The following PRKN variants were observed in gnomAD, a reference collection of about 807,000 sequenced individuals.
The protein encoded by PRKN is E3 ubiquitin-protein ligase parkin.
Under a neutral mutation model 59.5 loss-of-function variants are expected in PRKN, and 56 were observed. That is an observed-to-expected ratio of 0.94 (90% CI 0.76 to 1.18). The LOEUF (loss-of-function observed/expected upper bound fraction) is 1.18. Ranked by LOEUF, PRKN falls within the 50% of genes most tolerant of loss-of-function variation. The pLI is 0.00. For missense variants in PRKN, 657 were observed against 596.4 expected (o/e 1.10, Z -1.06); for synonymous variants, 250 against 222.1 (o/e 1.13, Z -1.12).
chr6:162,600,349 C>T (rs1005570202), intron 1 of PRKN, among the ~76,000 whole-genome samples: 1 of 152,120 alleles, frequency 6.6e-6, no homozygotes, highest in African/African-American at 2.4e-5. Flanking sequence ...TTTGATTGTG[C>T]CACAAATTGT....
chr6:161,806,081 G>A (rs1049498532), intron 6 of PRKN, among the ~76,000 whole-genome samples: 5 of 152,196 alleles, frequency 3.3e-5, no homozygotes, highest in East Asian at 1.9e-4. Context: ...AAATTCCATC[G>A]TAAATATTGG....
At chr6:162,220,375 A>T (rs1777874007) in intron 3 of PRKN, among the ~76,000 whole-genome samples, 2 of 152,200 alleles carry the variant, frequency 1.3e-5, no homozygotes, top group Admixed American at 1.3e-4. Context: ...GCATAGCAAA[A>T]GAAACAAACA....
rs565769791 is a variant in PRKN, at chr6:161,583,710, C to T, written c.872-14294G>A. On this transcript the variant is annotated intron_variant, in intron 7 of 11. Transcript: ENST00000366898. Reference sequence around the variant, plus strand: ...ACATAGGATATTAAGGATGTTGCATCATACTATGCATGACATTCTGTAACT... The same window carrying T: ...ACATAGGATATTAAGGATGTTGCATTATACTATGCATGACATTCTGTAACT... Among the ~76,000 whole-genome samples the T allele has an allele frequency of 1.5e-3, 231 of 152,142 alleles. 2 individuals carry two copies. The highest frequency in any genetic ancestry group is 2.0e-3 in the Non-Finnish European group (138 of 68,028).
chr6:161,814,194 T>C (rs1791672370), intron 6 of PRKN, among the ~76,000 whole-genome samples: 2 of 152,312 alleles, frequency 1.3e-5, no homozygotes, highest in Middle Eastern at 3.4e-3. Context: ...TCAAGCATTG[T>C]GCTGTGAGTG....
chr6:161,957,692 G>A (rs1464464366), intron 6 of PRKN, among the ~76,000 whole-genome samples: 1 of 152,078 alleles, frequency 6.6e-6, no homozygotes, highest in Non-Finnish European at 1.5e-5. Context: ...CAAAATGCTG[G>A]GATTACAGGC....
Position 161,560,979 on chromosome 6 carries a change from G to A in PRKN, c.933+8376C>T, listed in dbSNP as rs1410614152. Among the ~76,000 whole-genome samples the A allele has an allele frequency of 7.2e-5, 11 of 152,242 alleles. No individual in the cohort carries two copies. In the East Asian group the frequency reaches 1.4e-3, roughly 19 times the overall value. Reference sequence around the variant, plus strand: ...AACATCACCTCCACCTTCCCTGGGCGTGTAGCCCTGCAGCTGGACACAATG... The same window carrying A: ...AACATCACCTCCACCTTCCCTGGGCATGTAGCCCTGCAGCTGGACACAATG... On this transcript the variant is annotated intron_variant, in intron 8 of 11. Transcript: ENST00000366898. This position sits in a 1 kb window ranked among gnomAD's most constrained non-coding sequence, Gnocchi z 4.9.
chr6:162,533,321 C>T lies in PRKN; in HGVS notation c.8-89848G>A, dbSNP rs374931822. ...GGTGGGTCAGTTGAGGTCAGGAGTT[C>T]GAGACCAGCATGGCTGACATAGTGA... On this transcript the variant is annotated intron_variant, in intron 1 of 11. Transcript: ENST00000366898. Among the ~76,000 whole-genome samples the T allele has an allele frequency of 1.4e-4, 21 of 152,106 alleles. No homozygotes were observed. In the East Asian group the frequency reaches 3.5e-3, roughly 25 times the overall value.
intron 2 of PRKN, among the ~76,000 whole-genome samples, chr6:162,317,076 T>C (rs1782782353): frequency 6.6e-6 from 1 of 151,692 alleles, no homozygotes; most frequent in African/African-American, 2.4e-5. Flanking sequence ...ATTCTCTAAA[T>C]TTATGTCATT....
chr6:162,262,598 TG>T lies in PRKN; in HGVS notation c.338del (p.Pro113GlnfsTer64). 1 of 1,613,182 alleles carries T rather than the reference TG, an allele frequency of 6.2e-7. No individual in the cohort carries two copies. Among genetic ancestry groups the T allele is most frequent in the Non-Finnish European group, 8.5e-7 (1 of 1,179,210 alleles). On this transcript the variant is annotated frameshift_variant, in exon 3 of 12. Coordinates refer to ENST00000366898, the MANE Select transcript of PRKN (RefSeq NM_004562.3). LOFTEE classifies it high-confidence loss of function. ...TGACAGCCAGCCCCACAGAGTCTCC[TG>T]GGAGGACTGAGCTGCTGAGGTCCAC... ...TRVDLSSSVL[P>X]GDSVGLAVIL...
intron 7 of PRKN, among the ~76,000 whole-genome samples, chr6:161,692,506 G>T (rs1785838272): frequency 6.6e-6 from 1 of 152,168 alleles, no homozygotes; most frequent in South Asian, 2.1e-4. Context: ...TTGCCATTCT[G>T]CTCTTCGTGG....
chr6:162,293,535 C>T (rs1478943323), intron 2 of PRKN, among the ~76,000 whole-genome samples: 2 of 152,156 alleles, frequency 1.3e-5, no homozygotes, highest in Non-Finnish European at 1.5e-5. Flanking sequence ...GGGAGATCAC[C>T]GCCCTGGAGA....
At position 161,978,569 on chromosome 6, in the gene PRKN, T is replaced by G. The variant is rs904512008; in HGVS notation, c.619-5152A>C. Among the ~76,000 whole-genome samples the G allele has an allele frequency of 4.6e-5, 7 of 152,366 alleles. No individual in the cohort carries two copies. The East Asian group carries it at 1.3e-3, about 29-fold the overall frequency. ...GCATGATTCTTTGGGATTAACTGCC[T>G]CTGAATTCTGTTTTGTTTCTCTTAA... On this transcript the variant is annotated intron_variant, in intron 5 of 11. Transcript: ENST00000366898.
chr6:162,464,542 G>A (rs575924000), intron 1 of PRKN, among the ~76,000 whole-genome samples: 78 of 151,808 alleles, frequency 5.1e-4, no homozygotes, highest in Non-Finnish European at 8.2e-4. Flanking sequence ...ATGGCCGGGC[G>A]CAGTGGCTCA....
chr6:162,280,727 G>A (rs1054098232), intron 2 of PRKN, among the ~76,000 whole-genome samples: 4 of 140,536 alleles, frequency 2.8e-5, no homozygotes, highest in Non-Finnish European at 4.5e-5. Context: ...GACCTGGAAG[G>A]TAGAGGTTAC....
chr6:161,940,824 T>C (rs1401590069), intron 6 of PRKN, among the ~76,000 whole-genome samples: 1 of 152,184 alleles, frequency 6.6e-6, no homozygotes, highest in Non-Finnish European at 1.5e-5. Flanking sequence ...GACCACCCAT[T>C]TCCAGTCTCT....
intron 6 of PRKN, among the ~76,000 whole-genome samples, chr6:161,930,490 A>T (rs1345224019): frequency 6.6e-6 from 1 of 152,196 alleles, no homozygotes; most frequent in East Asian, 1.9e-4. Context: ...AACAGTTCTC[A>T]GTAGAATATA....
intron 1 of PRKN, among the ~76,000 whole-genome samples, chr6:162,449,323 A>G (rs185810420): frequency 1.3e-5 from 2 of 152,306 alleles, no homozygotes; most frequent in Admixed American, 1.3e-4. Context: ...TGATCCATCA[A>G]TAAATTTTGT....
At chr6:162,527,018 T>C (rs561643684) in intron 1 of PRKN, among the ~76,000 whole-genome samples, 1 of 151,800 alleles carries the variant, frequency 6.6e-6, no homozygotes. Flanking sequence ...GAAAACAAGA[T>C]AAAAAAATAA....
intron 1 of PRKN, among the ~76,000 whole-genome samples, chr6:162,504,131 G>T (rs1793502555): frequency 6.6e-6 from 1 of 152,264 alleles, no homozygotes; most frequent in East Asian, 1.9e-4. Flanking sequence ...AACTCCAGGG[G>T]TTGGAAAGGC....
Sources: gnomAD v4.1 joint callset for allele counts (sites outside exome capture counted in the v4.1 genomes callset) on GRCh38, gnomAD v4.1.1 for gene constraint, Gnocchi (gnomAD v3.1) non-coding constraint, MANE v1.5 for transcripts, NCBI Gene and HGNC (gene_info 2026-07-23, HGNC 2026-07-21) for gene names.